TDRD5: variants seen among roughly 807,000 people sequenced by gnomAD.
TDRD5 encodes tudor domain-containing protein 5.
In TDRD5, 41 loss-of-function variants were observed where a neutral mutation model predicts 120.6. The ratio of observed to expected loss-of-function variants is 0.34; its 90% confidence interval spans 0.26 to 0.44. TDRD5 has a LOEUF of 0.44. Among genes scored for constraint, TDRD5 ranks in the 20% least tolerant of loss-of-function variants. The pLI, the probability that TDRD5 is intolerant of heterozygous loss-of-function variation, is 1.00. For missense variants in TDRD5, 1,006 were observed against 1,221.2 expected, an observed-to-expected ratio of 0.82 and a Z score of 2.63; for synonymous variants, 430 against 433.7, an observed-to-expected ratio of 0.99 and a Z score of 0.11.
chr1:179,650,915 T>C lies in TDRD5; in HGVS notation c.1849T>C (p.Leu617=), dbSNP rs1294132954. ...TTTGCAGTTCCAGAAGTTGTGCGGT[T>C]TGAAGCCATTAGTGGGGGTAGTGGA... ...AILQFQKLCG[L]KPLVGVVDEY... The change falls in exon 12 of 18, where the codon TTG becomes CTG. Residue 617 remains leucine (L), a synonymous_variant. Coordinates refer to ENST00000444136, the MANE Select transcript of TDRD5 (RefSeq NM_001199085.3). The C allele has an allele frequency of 6.2e-7, 1 of 1,614,170 alleles. No homozygotes were observed. The highest frequency in any genetic ancestry group is 8.5e-7 in the Non-Finnish European group (1 of 1,180,030).
chr1:179,608,268 AT>A (rs76253149), intron 4 of TDRD5, among the ~76,000 whole-genome samples: 15,641 of 150,746 alleles, frequency 0.1, 881 homozygotes, highest in African/African-American at 0.14. Context: ...ACTTTTCTTT[AT>A]TTTTTTTCTG....
intron 4 of TDRD5, among the ~76,000 whole-genome samples, chr1:179,596,496 A>T (rs971426045): frequency 2.0e-5 from 3 of 152,178 alleles, no homozygotes; most frequent in African/African-American, 7.2e-5. Flanking sequence ...TTCTTTCCCC[A>T]ACTGCAGCCA....
In TDRD5 at chr1:179,635,864, C is replaced by T. The variant is rs147568109; in HGVS notation, c.1497C>T (p.Leu499=). 3.5e-4 allele frequency: 568 copies of T among 1,613,468 alleles called. 2 individuals are homozygous for T. Among genetic ancestry groups the T allele is most frequent in the Admixed American group, 1.3e-4 (8 of 59,998 alleles). The change falls in exon 9 of 18, where the codon CTC becomes CTT. Residue 499 remains leucine (L), a synonymous_variant. Transcript: ENST00000444136. ...RIYSRDSSEL[L]EDMMIEMRRC... ...ATAGCAGGGATTCGTCAGAGTTACT[C>T]GAAGACATGATGATTGAAATGCGGT...
chr1:179,668,690 A>C (rs915526357), intron 16 of TDRD5, among the ~76,000 whole-genome samples: 13 of 147,066 alleles, frequency 8.8e-5, no homozygotes, highest in African/African-American at 3.3e-4. Flanking sequence ...AATTGAATTT[A>C]TGTTCATTAG....
At chr1:179,592,453 C>A in intron 1 of TDRD5, 149 bp from the exon 2 acceptor site, 1 of 621,612 alleles carries the variant, frequency 1.6e-6, no homozygotes, top group African/African-American at 1.8e-5. Flanking sequence ...CCCGGCCACG[C>A]GCAAGCCGCA....
At chr1:179,591,775 C>T (rs1337817063), upstream of TDRD5, 4 of 152,426 alleles carry the variant, frequency 2.6e-5, no homozygotes, top group Non-Finnish European at 5.9e-5. Context: ...CACGTGCCCT[C>T]GGGGCTGGAA....
intron 17 of TDRD5, among the ~76,000 whole-genome samples, chr1:179,688,646 A>C (rs928922885): frequency 2.6e-5 from 4 of 152,176 alleles, no homozygotes; most frequent in African/African-American, 9.7e-5. Context: ...GTGTTTTCCA[A>C]CTTGGTTCCA....
intron 17 of TDRD5, among the ~76,000 whole-genome samples, chr1:179,688,864 C>T (rs1466643651): frequency 1.2e-4 from 18 of 152,204 alleles, no homozygotes; most frequent in Admixed American, 1.0e-3. Flanking sequence ...GCATGCATCA[C>T]GCAGTTCTCA....
In TDRD5 at chr1:179,621,037, T is replaced by C; in HGVS notation, c.918T>C (p.Val306=). 1 of 1,601,486 alleles carries C rather than the reference T, an allele frequency of 6.2e-7. No homozygotes were observed. The highest frequency in any genetic ancestry group is 8.5e-7 in the Non-Finnish European group (1 of 1,176,030). Reference sequence around the variant, plus strand: ...GTATTTCACTTTCTATTTGTTAGGTTGTATCTAAGTTCCCAGAGGGTTTGT... The same window carrying C: ...GTATTTCACTTTCTATTTGTTAGGTCGTATCTAAGTTCCCAGAGGGTTTGT... ...SSELKHKIKF[V]VSKFPEGLFI... Residue 306 remains valine (V), a splice_region_variant and synonymous_variant, in exon 6 of 18, where the codon GTT becomes GTC. Transcript: ENST00000444136.
At chr1:179,669,433 A>C in intron 17 of TDRD5, 29 bp downstream of exon 17, 9 of 1,610,188 alleles carry the variant, frequency 5.6e-6, no homozygotes, top group Non-Finnish European at 6.8e-6. Context: ...GTGCATGCTC[A>C]CAGTTGACAA....
In TDRD5 at chr1:179,630,901, T is replaced by C. The variant is rs1187800317; in HGVS notation, c.1107T>C (p.Asp369=). The C allele has an allele frequency of 1.2e-6, 2 of 1,613,314 alleles. No homozygotes were observed. The highest frequency in any genetic ancestry group is 2.2e-5 in the South Asian group (2 of 90,900). The stretch of plus-strand genomic sequence containing the variant: ...AAGACTTACTAGTGTTTGATGCGGA[T>C]AAGAAGCCTCTACCACCTGGTGAGT... ...GHQDLLVFDA[D]KKPLPPVQSD... Residue 369 remains aspartate (D), a synonymous_variant, in exon 7 of 18, where the codon GAT becomes GAC. Transcript: ENST00000444136.
intron 17 of TDRD5, among the ~76,000 whole-genome samples, chr1:179,685,588 G>T (rs1320917937): frequency 6.6e-6 from 1 of 152,170 alleles, no homozygotes; most frequent in Non-Finnish European, 1.5e-5. Context: ...GAAGGTCATT[G>T]GTAGTTTGAT....
In TDRD5 at chr1:179,647,849, C is replaced by G. The variant is rs903016973; in HGVS notation, c.1801-3018C>G. Among the ~76,000 whole-genome samples, 197 of 144,658 alleles carry G rather than the reference C, an allele frequency of 1.4e-3. 7 individuals are homozygous for G. In the East Asian group the frequency reaches 0.029, roughly 21 times the overall value. 94.9% of individuals were successfully genotyped at this position (144,658 alleles called of 152,430 possible). A position where few individuals can be genotyped will look rare whatever the true frequency, so the allele number is the denominator to read the frequency against. ...CAGCCAAAAAACATATGAAAAAATG[C>G]TCATCATCACTGGCCATCAGAGAAA... is the stretch of plus-strand genomic sequence containing the variant. On this transcript the variant is annotated intron_variant, in intron 11 of 17. Coordinates refer to ENST00000444136, the MANE Select transcript of TDRD5 (RefSeq NM_001199085.3).
chr1:179,686,718 G>A (rs1190515150), intron 17 of TDRD5, among the ~76,000 whole-genome samples: 1 of 152,158 alleles, frequency 6.6e-6, no homozygotes, highest in Non-Finnish European at 1.5e-5. Flanking sequence ...CTCAGTTTCA[G>A]AGCCTGTTAT....
intron 17 of TDRD5, among the ~76,000 whole-genome samples, chr1:179,671,676 G>A (rs996765858): frequency 2.6e-5 from 4 of 151,916 alleles, no homozygotes; most frequent in Admixed American, 2.0e-4. Flanking sequence ...CTGAGATTTC[G>A]GTGCACTCAT....
At chr1:179,687,596 C>T (rs976313719) in intron 17 of TDRD5, among the ~76,000 whole-genome samples, 5 of 152,026 alleles carry the variant, frequency 3.3e-5, no homozygotes, top group African/African-American at 4.8e-5. Context: ...CCTGGATATC[C>T]TTGTTAACTT....
chr1:179,658,971 C>A (rs1234978276), intron 14 of TDRD5, among the ~76,000 whole-genome samples: 2 of 152,004 alleles, frequency 1.3e-5, no homozygotes, highest in Non-Finnish European at 2.9e-5. Flanking sequence ...TCATTCAGTT[C>A]AAATATTTTA....
At chr1:179,663,282 A>G in intron 15 of TDRD5, 66 bp from the exon 16 acceptor site, 4 of 1,519,550 alleles carry the variant, frequency 2.6e-6, no homozygotes, top group Non-Finnish European at 3.5e-6. Context: ...ATCTTGCCCA[A>G]GTTATCCTCT....
chr1:179,654,454 C>A, intron 14 of TDRD5, 92 bp downstream of exon 14: 2 of 1,299,340 alleles, frequency 1.5e-6, no homozygotes, highest in Non-Finnish European at 2.0e-6. Context: ...CTGTTTAAAC[C>A]CCACTGCTTT....
Sources: allele counts gnomAD v4.1 joint callset (sites outside exome capture counted in the v4.1 genomes callset), GRCh38; gene constraint gnomAD v4.1.1; transcripts MANE v1.5; gene names NCBI Gene and HGNC (gene_info 2026-07-23, HGNC 2026-07-21).